The following MED13 variants were observed in gnomAD, a reference collection of about 807,000 sequenced individuals.
MED13 encodes mediator complex subunit 13, also known as mediator of RNA polymerase II transcription subunit 13.
A neutral mutation model predicts 225.2 loss-of-function variants in MED13; 23 were observed. The ratio of observed to expected loss-of-function variants is 0.10; its 90% CI spans 0.07 to 0.14. The LOEUF is 0.14. Ranked by LOEUF, MED13 falls within the 10% of genes least tolerant of loss-of-function variation. The pLI, the probability that MED13 is intolerant of heterozygous loss-of-function variation, is 1.00. For synonymous variants in MED13, 942 were observed against 889.2 expected (o/e 1.06, Z -1.06); for missense variants, 2,197 against 2,594.5 (o/e 0.85, Z 3.33).
At chr17:62,021,347 G>T (rs2080643330) in intron 8 of MED13, among the ~76,000 whole-genome samples, 1 of 148,368 alleles carries the variant, frequency 6.7e-6, no homozygotes, top group Admixed American at 6.7e-5. Context: ...CCCGGACAGG[G>T]TGGCTGGCCG....
Position 61,966,485 on chromosome 17 carries a change from G to A in MED13, c.4358C>T (p.Ala1453Val), listed in dbSNP as rs201365921. The A allele has an allele frequency of 1.6e-5, 26 of 1,613,190 alleles. 1 individual carries two copies. Among genetic ancestry groups the A allele is most frequent in the South Asian group, 9.9e-5 (9 of 91,006 alleles). Residue 1453 changes from alanine (A) to valine (V), a missense_variant, in exon 19 of 30, where the codon GCA becomes GTA. By Grantham distance (64) the Ala-to-Val change is moderately conservative. This residue lies in a region of MED13 where 457 missense variants were observed against 442.2 expected (regional missense o/e 1.03). Coordinates refer to ENST00000397786, the MANE Select transcript of MED13 (RefSeq NM_005121.3). ...NEAFSKLKLY[A>V]QVCRYDLGPY... ...ACCTAGGTCATATCTGCAGACTTGT[G>A]CATAAAGCTTGAGTTTAGAAAATGC...
intron 20 of MED13, among the ~76,000 whole-genome samples, 168 bp from the exon 21 acceptor site, chr17:61,963,139 T>C (rs1416395835): frequency 7.4e-6 from 1 of 134,444 alleles, no homozygotes. Flanking sequence ...ACCATAAACA[T>C]TGTACATACA....
chr17:62,032,428 C>G (rs2080765633), intron 5 of MED13: 2 of 147,046 alleles, frequency 1.4e-5, no homozygotes, highest in South Asian at 4.3e-4. Flanking sequence ...GAGCAGAGAT[C>G]ACGCCATTGC....
intron 8 of MED13, among the ~76,000 whole-genome samples, chr17:62,023,026 T>A (rs2080664582): frequency 6.6e-6 from 1 of 152,062 alleles, no homozygotes; most frequent in South Asian, 2.1e-4. Flanking sequence ...AATATTTATG[T>A]GTTGAGAGGA....
intron 19 of MED13, among the ~76,000 whole-genome samples, chr17:61,966,183 T>G (rs984604675): frequency 6.6e-6 from 1 of 152,160 alleles, no homozygotes; most frequent in African/African-American, 2.4e-5. Flanking sequence ...AACAGAAAAT[T>G]TATTTATAAC....
chr17:62,057,316 C>G (rs897319600), intron 2 of MED13, among the ~76,000 whole-genome samples: 4 of 151,838 alleles, frequency 2.6e-5, no homozygotes, highest in African/African-American at 9.7e-5. Flanking sequence ...TTAAGTTGGC[C>G]GCATCATTAT....
intron 8 of MED13, among the ~76,000 whole-genome samples, chr17:62,012,353 G>T (rs2080519030): frequency 2.1e-5 from 3 of 145,772 alleles, no homozygotes; most frequent in Admixed American, 6.8e-5. Context: ...TTTTGAGAGG[G>T]AGTTTCGCTC....
At chr17:61,957,324 T>C (rs949640164) in intron 23 of MED13, among the ~76,000 whole-genome samples, 2 of 151,428 alleles carry the variant, frequency 1.3e-5, no homozygotes, top group African/African-American at 4.9e-5. Context: ...ATTACAGACA[T>C]GAGCCACTGC....
chr17:62,012,889 T>A (rs1053828448), intron 8 of MED13, among the ~76,000 whole-genome samples: 1 of 151,292 alleles, frequency 6.6e-6, no homozygotes, highest in Non-Finnish European at 1.5e-5. Context: ...GCCTCCCAGG[T>A]TCAAGCAGTT....
chr17:62,047,169 G>A (rs1267438463), intron 3 of MED13, among the ~76,000 whole-genome samples: 2 of 152,000 alleles, frequency 1.3e-5, no homozygotes, highest in African/African-American at 2.4e-5. Flanking sequence ...TCAGGAGTTC[G>A]AGACCAGTCT....
Position 61,946,494 on chromosome 17 carries a change from A to G in MED13, c.6499T>C (p.Tyr2167His), listed in dbSNP as rs1160821895. 6 of 1,613,930 alleles carry G rather than the reference A, an allele frequency of 3.7e-6. No individual in the cohort carries two copies. Among genetic ancestry groups the G allele is most frequent in the Middle Eastern group, 1.6e-4 (1 of 6,062 alleles). The change falls in exon 30 of 30, where the codon TAT becomes CAT. Residue 2167 changes from tyrosine (Y) to histidine (H), a missense_variant. Physicochemically the swap from Tyr to His is moderately conservative, Grantham distance 83. Transcript: ENST00000397786. Reference sequence around the variant, plus strand: ...CACAGCATATTCATAATAAAGTTATATAACTGATTCAGCACCACAAAATGA... The same window carrying G: ...CACAGCATATTCATAATAAAGTTATGTAACTGATTCAGCACCACAAAATGA... Reference protein sequence around the residue: ...PIHFVVLNQLYNFIMNML With the variant: ...PIHFVVLNQLHNFIMNML
At position 62,030,396 on chromosome 17, in the gene MED13, G is replaced by A. The variant is rs549238814; in HGVS notation, c.1010-383C>T. 9 of 158,354 alleles carry A rather than the reference G, an allele frequency of 5.7e-5. No individual in the cohort carries two copies. The Middle Eastern group carries it at 0.013, about 221-fold the overall frequency. 9.8% of individuals were successfully genotyped at this position (158,354 alleles called of 1,614,324 possible). A position where few individuals can be genotyped will look rare whatever the true frequency, so the allele number is the denominator to read the frequency against. ...TCAAGGTCAGAGGCTGGCCAGAGGT[G>A]GGGAGACTGGAAGGACTTCGGAGTA... On this transcript the variant is annotated intron_variant, in intron 6 of 29. Transcript: ENST00000397786.
chr17:61,971,339 C>T (rs1450501828), intron 17 of MED13, among the ~76,000 whole-genome samples: 2 of 148,908 alleles, frequency 1.3e-5, no homozygotes, highest in East Asian at 2.0e-4. Flanking sequence ...TACAATGGCG[C>T]GATCTCGGCT....
chr17:62,064,813 G>C (rs145166919), intron 1 of MED13, among the ~76,000 whole-genome samples: 1 of 152,156 alleles, frequency 6.6e-6, no homozygotes, highest in African/African-American at 2.4e-5. Context: ...GGGCCAATAA[G>C]GAGAAAAGCA....
Position 61,965,591 on chromosome 17 carries a change from T to C in MED13, c.4382-123A>G, listed in dbSNP as rs113238766. On this transcript the variant is annotated intron_variant, in intron 19 of 29. Coordinates refer to ENST00000397786, the MANE Select transcript of MED13 (RefSeq NM_005121.3). ...TTTCTTGGTAATTATAGCCCCGAAA[T>C]TGCTTGCTAATGGTGTGACCTACAC... 1.5e-4 allele frequency: 146 copies of C among 973,562 alleles called. 4 individuals carry two copies. The African/African-American group carries it at 1.8e-3, about 12-fold the overall frequency. 60.3% of individuals were successfully genotyped at this position (973,562 alleles called of 1,614,324 possible).
chr17:61,980,768 T>C (rs949528667), intron 16 of MED13, among the ~76,000 whole-genome samples: 1 of 151,952 alleles, frequency 6.6e-6, no homozygotes, highest in South Asian at 2.1e-4. Flanking sequence ...AGCAACAGAG[T>C]GTCTTGCTCT....
intron 3 of MED13, among the ~76,000 whole-genome samples, chr17:62,047,845 G>A (rs997598030): frequency 2.0e-5 from 3 of 151,366 alleles, no homozygotes; most frequent in African/African-American, 2.4e-5. Context: ...CTCCCACCTC[G>A]GCCCCTTAGT....
intron 3 of MED13, among the ~76,000 whole-genome samples, chr17:62,039,727 G>C (rs2080837302): frequency 6.6e-6 from 1 of 151,932 alleles, no homozygotes; most frequent in Non-Finnish European, 1.5e-5. Context: ...AAGTAGCTGG[G>C]ATGACAGGCG....
rs866852854 is a variant in MED13 at position 62,021,428 on chromosome 17, C to A, written c.1283+8113G>T. Among the ~76,000 whole-genome samples, 43 of 142,942 alleles carry A rather than the reference C, an allele frequency of 3.0e-4. 1 individual carries two copies. Among genetic ancestry groups the A allele is most frequent in the African/African-American group, 1.0e-3 (39 of 38,198 alleles). 93.8% of individuals were successfully genotyped at this position (142,942 alleles called of 152,430 possible). On this transcript the variant is annotated intron_variant, in intron 8 of 29. Coordinates refer to ENST00000397786, the MANE Select transcript of MED13 (RefSeq NM_005121.3). ...TGGCCGGGCAGGGGGCTGACCCCCCCACCTCCCTCCCGGACGGGGCGGCTG... is the reference window on the plus strand; with the variant it reads ...TGGCCGGGCAGGGGGCTGACCCCCCAACCTCCCTCCCGGACGGGGCGGCTG...
Sources: allele counts gnomAD v4.1 joint callset (sites outside exome capture counted in the v4.1 genomes callset), GRCh38; gene constraint gnomAD v4.1.1; regional missense constraint gnomAD v4.1.1; transcripts MANE v1.5; gene names NCBI Gene and HGNC (gene_info 2026-07-23, HGNC 2026-07-21).